ZNF773: variants seen among roughly 807,000 people sequenced by gnomAD.
ZNF773 encodes the protein zinc finger protein 419B.
A neutral mutation model predicts 12.8 loss-of-function variants in ZNF773; 11 were observed. The observed-to-expected ratio is 0.86, with a 90% CI of 0.54 to 1.42. The LOEUF (loss-of-function observed/expected upper bound fraction) is 1.42. Ranked by LOEUF, ZNF773 falls within the 40% of genes most tolerant of loss-of-function variation. The pLI is 0.00. For missense variants in ZNF773, 518 were observed against 527.2 expected (o/e 0.98, Z 0.17); for synonymous variants, 175 against 178.4 (o/e 0.98, Z 0.15).
chr19:57,513,919 A>C (rs961769992), downstream of ZNF773: 1 of 152,202 alleles, frequency 6.6e-6, no homozygotes, highest in South Asian at 2.1e-4. Context: ...ATACTATTAC[A>C]TCAGCAGGAT....
chr19:57,504,530 T>TTC, intron 1 of ZNF773, 127 bp from the exon 2 acceptor site: 1 of 1,407,726 alleles, frequency 7.1e-7, no homozygotes, highest in Non-Finnish European at 9.7e-7. Flanking sequence ...GCATCAGTGG[T>TTC]TCTGGGGCAG....
intron 3 of ZNF773, among the ~76,000 whole-genome samples, chr19:57,506,016 G>C (rs1252555749): frequency 6.6e-6 from 1 of 152,040 alleles, no homozygotes; most frequent in African/African-American, 2.4e-5. Flanking sequence ...TCCTGCAGTT[G>C]TTTTTTTCTG....
chr19:57,504,686 T>C lies in ZNF773; in HGVS notation c.63T>C (p.Ala21=). The change falls in exon 2 of 4, where the codon GCT becomes GCC. Residue 21 remains alanine, a synonymous_variant. Transcript: ENST00000282292. ...QQGYVTFEDV[A]VYFSQEEWRL... The stretch of plus-strand genomic sequence containing the variant: ...GCTATGTGACCTTTGAGGACGTGGC[T>C]GTCTACTTCTCCCAGGAGGAATGGA... 1.2e-6 allele frequency: 2 copies of C among 1,614,112 alleles called. No homozygotes were observed. Among genetic ancestry groups the C allele is most frequent in the Non-Finnish European group, 1.7e-6 (2 of 1,180,026 alleles).
Position 57,507,421 on chromosome 19 carries a change from ATGAT to A in ZNF773, c.1329_*3del. The A allele has an allele frequency of 1.9e-6, 3 of 1,585,418 alleles. No individual in the cohort carries two copies. Among genetic ancestry groups the A allele is most frequent in the Non-Finnish European group, 1.7e-6 (2 of 1,167,920 alleles). On this transcript the variant is annotated stop_lost and 3_prime_UTR_variant, in exon 4 of 4. Coordinates refer to ENST00000282292, the MANE Select transcript of ZNF773 (RefSeq NM_198542.3). ...GAAGGATTCACACTGGAGAAATACA[ATGAT>A]TGTGAGAAATCCTTTAGCTGGTGTT...
downstream of ZNF773, among the ~76,000 whole-genome samples, chr19:57,509,960 A>T (rs1468583110): frequency 7.2e-5 from 11 of 152,242 alleles, no homozygotes; most frequent in Admixed American, 7.2e-4. Flanking sequence ...GTTATCATTA[A>T]CAGGACAGCA....
intron 1 of ZNF773, among the ~76,000 whole-genome samples, chr19:57,500,835 G>T (rs1300473415): frequency 6.6e-6 from 1 of 152,148 alleles, no homozygotes; most frequent in African/African-American, 2.4e-5. Context: ...AAGGCCTGGG[G>T]CTCGTATTTA....
At chr19:57,500,477 A>G (rs142283749) in intron 1 of ZNF773, among the ~76,000 whole-genome samples, 2,177 of 149,448 alleles carry the variant, frequency 0.015, 8 homozygotes, top group African/African-American at 0.051. Flanking sequence ...AGGCCCTTCA[A>G]GTCAAAACAG....
At position 57,507,791 on chromosome 19, in the gene ZNF773, A is replaced by G. The variant is rs4801492; in HGVS notation, c.*367A>G. 0.2 allele frequency: 156,381 copies of G among 797,604 alleles called. 15,952 individuals carry two copies. Among genetic ancestry groups the G allele is most frequent in the African/African-American group, 0.25 (13,617 of 53,736 alleles). The allele number at this position is 797,604 out of a possible 1,614,324, so 49.4% of individuals were successfully genotyped here. On this transcript the variant is annotated 3_prime_UTR_variant, in exon 4 of 4. Transcript: ENST00000282292. ...ACATCGAAACCATCCTGGTTAACAC[A>G]ATGAAACCACATCTCTACTAAAAAT...
downstream of ZNF773, chr19:57,513,008 C>T: frequency 6.5e-7 from 1 of 1,548,370 alleles, no homozygotes; most frequent in East Asian, 2.6e-5. Flanking sequence ...CTGCATTTGT[C>T]CTTCTTCATT....
rs2089756486 is a variant in ZNF773 at position 57,507,629 on chromosome 19, T to C, written c.*205T>C. 5.0e-6 allele frequency: 7 copies of C among 1,389,116 alleles called. No homozygotes were observed. In the African/African-American group the frequency reaches 8.7e-5, roughly 17 times the overall value. The allele number at this position is 1,389,116 out of a possible 1,614,324, so 86.0% of individuals were successfully genotyped here. On this transcript the variant is annotated 3_prime_UTR_variant, in exon 4 of 4. Transcript: ENST00000282292. Reference sequence around the variant, plus strand: ...CCTAACCGTATTCAACACCAGAAAGTTTAGACTGGAGAAAGGCCTTAGACT... The same window carrying C: ...CCTAACCGTATTCAACACCAGAAAGCTTAGACTGGAGAAAGGCCTTAGACT...
downstream of ZNF773, among the ~76,000 whole-genome samples, chr19:57,511,148 TCATG>T (rs1350684829): frequency 4.6e-5 from 7 of 151,870 alleles, no homozygotes; most frequent in Non-Finnish European, 7.4e-5. Context: ...CCCCTGGGAT[TCATG>T]CCATTCTCCT....
chr19:57,506,147 C>G (rs750630155), intron 3 of ZNF773, among the ~76,000 whole-genome samples: 1 of 152,102 alleles, frequency 6.6e-6, no homozygotes, highest in Non-Finnish European at 1.5e-5. Context: ...TACACCACAT[C>G]CTTGCATCCT....
At position 57,506,980 on chromosome 19, in the gene ZNF773, A is replaced by G; in HGVS notation, c.885A>G (p.Arg295=). 1 of 1,614,196 alleles carries G rather than the reference A, an allele frequency of 6.2e-7. No homozygotes were observed. The highest frequency in any genetic ancestry group is 2.2e-5 in the East Asian group (1 of 44,878). Residue 295 remains arginine, a synonymous_variant, in exon 4 of 4, where the codon AGA becomes AGG. Coordinates refer to ENST00000282292, the MANE Select transcript of ZNF773 (RefSeq NM_198542.3). ...ATTCCACACTTGTTCAGCATCACAG[A>G]ATCCACACTGGAGTAAGGCCTTATG... ...RHNSTLVQHH[R]IHTGVRPYEC...
intron 1 of ZNF773, among the ~76,000 whole-genome samples, chr19:57,502,412 A>C (rs1449576850): frequency 6.6e-6 from 1 of 152,216 alleles, no homozygotes; most frequent in Non-Finnish European, 1.5e-5. Flanking sequence ...GGTATAAGGC[A>C]GACCTGAAGT....
downstream of ZNF773, among the ~76,000 whole-genome samples, chr19:57,509,084 G>A (rs1251408926): frequency 6.6e-6 from 1 of 152,164 alleles, no homozygotes; most frequent in Non-Finnish European, 1.5e-5. Flanking sequence ...ACAGGCATGA[G>A]CCACCATGCT....
At chr19:57,505,805 G>A (rs1024128035) in intron 3 of ZNF773, among the ~76,000 whole-genome samples, 1 of 150,372 alleles carries the variant, frequency 6.7e-6, no homozygotes, top group Non-Finnish European at 1.5e-5. Context: ...CCGCCTATCA[G>A]GTTGATGCCA....
chr19:57,500,304 G>A (rs574858028), intron 1 of ZNF773, among the ~76,000 whole-genome samples, 191 bp downstream of exon 1: 287 of 152,104 alleles, frequency 1.9e-3, no homozygotes, highest in African/African-American at 6.7e-3. Flanking sequence ...AGCGAGTCCC[G>A]AACCTGAGGC....
chr19:57,507,021 G>A lies in ZNF773; in HGVS notation c.926G>A (p.Gly309Glu), dbSNP rs377203612. Residue 309 changes from glycine (G) to glutamate (E), a missense_variant, in exon 4 of 4, where the codon GGA becomes GAA. Physicochemically the swap from Gly to Glu is moderately conservative, Grantham distance 98. Transcript: ENST00000282292. ...AGGCCTTATGAGTGCAGTGAATGTGGAAAATTGTTTAGTTTCAACTCCAGC... is the reference window on the plus strand; with the variant it reads ...AGGCCTTATGAGTGCAGTGAATGTGAAAAATTGTTTAGTTTCAACTCCAGC... Reference protein sequence around the residue: ...GVRPYECSECGKLFSFNSSLM... With the variant: ...GVRPYECSECEKLFSFNSSLM... The A allele has an allele frequency of 1.3e-5, 21 of 1,614,098 alleles. No individual in the cohort carries two copies. In the African/African-American group the frequency reaches 2.8e-4, roughly 22 times the overall value.
chr19:57,505,290 C>G lies in ZNF773; in HGVS notation c.164-12C>G, dbSNP rs1384370050. On this transcript the variant is annotated splice_polypyrimidine_tract_variant and intron_variant, in intron 2 of 3. Transcript: ENST00000282292. ...TGGCTCAGTGCTGCCACTCACCTGT[C>G]GTTTTCCTTAGGACTTGCATCTTCC... The G allele has an allele frequency of 6.2e-7, 1 of 1,610,828 alleles. No individual in the cohort carries two copies. The highest frequency in any genetic ancestry group is 1.7e-5 in the Admixed American group (1 of 60,020).
Sources: allele counts gnomAD v4.1 joint callset (sites outside exome capture counted in the v4.1 genomes callset), GRCh38; gene constraint gnomAD v4.1.1; transcripts MANE v1.5; gene names NCBI Gene and HGNC (gene_info 2026-07-23, HGNC 2026-07-21).